The following KIAA1328 variants were observed in gnomAD, a reference collection of about 807,000 sequenced individuals.
KIAA1328 encodes the protein protein hinderin.
In KIAA1328, 52 loss-of-function variants were observed where a neutral mutation model predicts 68.1. The observed-to-expected ratio is 0.76, with a 90% CI of 0.61 to 0.96. The LOEUF (loss-of-function observed/expected upper bound fraction) is 0.96, where lower values mean the gene tolerates loss of function less well. Among genes scored for constraint, KIAA1328 ranks in the 40% least tolerant of loss-of-function variants. KIAA1328 has a pLI of 0.00. For missense variants in KIAA1328, 641 were observed against 677.6 expected (o/e 0.95, Z 0.60); for synonymous variants, 232 against 239.4 (o/e 0.97, Z 0.28).
At chr18:36,848,781 A>C (rs530507384) in intron 4 of KIAA1328, among the ~76,000 whole-genome samples, 1 of 146,656 alleles carries the variant, frequency 6.8e-6, no homozygotes, top group African/African-American at 2.4e-5. Context: ...TTGGAGTAGA[A>C]TTTGTCAATT....
intron 6 of KIAA1328, among the ~76,000 whole-genome samples, chr18:36,967,114 A>T (rs1192727589): frequency 2.0e-5 from 3 of 152,208 alleles, no homozygotes; most frequent in African/African-American, 7.2e-5. Flanking sequence ...ATGTTATGTT[A>T]TATATTTAAA....
chr18:37,223,616 C>A lies in KIAA1328; in HGVS notation c.*1389C>A, dbSNP rs776286878. 5.7e-5 allele frequency: 56 copies of A among 985,290 alleles called. No individual in the cohort carries two copies. The highest frequency in any genetic ancestry group is 6.7e-5 in the Non-Finnish European group (56 of 829,938). The allele number at this position is 985,290 out of a possible 1,614,324, so 61.0% of individuals were successfully genotyped here. Reference sequence around the variant, plus strand: ...AACTAAACTGGGAGTAAGACTTAGTCAGTGTTGGTAGACAAAGTCATACCA... The same window carrying A: ...AACTAAACTGGGAGTAAGACTTAGTAAGTGTTGGTAGACAAAGTCATACCA... On this transcript the variant is annotated 3_prime_UTR_variant, in exon 10 of 10. Coordinates refer to ENST00000280020, the MANE Select transcript of KIAA1328 (RefSeq NM_020776.3).
intron 5 of KIAA1328, among the ~76,000 whole-genome samples, chr18:36,958,775 AG>A: frequency 6.6e-6 from 1 of 152,176 alleles, no homozygotes; most frequent in East Asian, 1.9e-4. Flanking sequence ...TCTCTCATTC[AG>A]GGGGTTGTTT....
At chr18:37,000,558 G>T (rs1462875708) in intron 6 of KIAA1328, among the ~76,000 whole-genome samples, 2 of 151,912 alleles carry the variant, frequency 1.3e-5, no homozygotes, top group African/African-American at 4.8e-5. Flanking sequence ...CCTTTCATCA[G>T]CACAAGGACC....
chr18:37,055,196 T>C (rs750137910), intron 6 of KIAA1328, among the ~76,000 whole-genome samples: 2 of 152,192 alleles, frequency 1.3e-5, no homozygotes, highest in Non-Finnish European at 1.5e-5. Context: ...TAGATCTAAC[T>C]TGTTTACTGC....
chr18:36,926,478 T>C (rs2050124783), intron 5 of KIAA1328, among the ~76,000 whole-genome samples: 1 of 152,078 alleles, frequency 6.6e-6, no homozygotes, highest in African/African-American at 2.4e-5. Flanking sequence ...CAGGGTCACA[T>C]GATACCCACA....
intron 7 of KIAA1328, among the ~76,000 whole-genome samples, chr18:37,106,639 G>A (rs185717102): frequency 2.0e-5 from 3 of 151,928 alleles, no homozygotes; most frequent in Non-Finnish European, 2.9e-5. Flanking sequence ...GGCTGGTCTC[G>A]AACTCCTGAC....
chr18:37,024,466 G>A (rs1023865076), intron 6 of KIAA1328, among the ~76,000 whole-genome samples: 1 of 151,704 alleles, frequency 6.6e-6, no homozygotes, highest in South Asian at 2.1e-4. Context: ...CCAGGTTGGT[G>A]TGCTGCACCC....
intron 7 of KIAA1328, among the ~76,000 whole-genome samples, chr18:37,108,014 T>C (rs1288200953): frequency 2.0e-5 from 3 of 152,170 alleles, no homozygotes; most frequent in Admixed American, 1.3e-4. Context: ...CCAGCACTCC[T>C]GTTACTGGGT....
intron 7 of KIAA1328, among the ~76,000 whole-genome samples, chr18:37,076,131 G>A (rs1399072201): frequency 5.9e-5 from 9 of 152,140 alleles, no homozygotes; most frequent in Admixed American, 3.3e-4. Context: ...ATAACAAACT[G>A]TCTCTCAGAC....
chr18:36,865,369 GTCTT>G (rs1286096703), intron 4 of KIAA1328, among the ~76,000 whole-genome samples: 5 of 151,532 alleles, frequency 3.3e-5, no homozygotes, highest in African/African-American at 1.2e-4. Flanking sequence ...GATTTTTCTC[GTCTT>G]TCTATTACTG....
chr18:37,147,577 G>A (rs2058930076), intron 7 of KIAA1328, among the ~76,000 whole-genome samples: 1 of 152,076 alleles, frequency 6.6e-6, no homozygotes, highest in South Asian at 2.1e-4. Context: ...AAAGCCTGGG[G>A]TGTTTTCCAA....
At chr18:37,037,291 A>T (rs1271200794) in intron 6 of KIAA1328, among the ~76,000 whole-genome samples, 13 of 152,190 alleles carry the variant, frequency 8.5e-5, no homozygotes, top group Admixed American at 8.5e-4. Context: ...ATATCTTAGT[A>T]AGTGGGATCT....
intron 5 of KIAA1328, among the ~76,000 whole-genome samples, chr18:36,936,306 T>G (rs2050496725): frequency 6.6e-6 from 1 of 152,102 alleles, no homozygotes. Context: ...CCCTGGTGTG[T>G]GTTGTTCCCC....
chr18:36,979,443 G>A (rs1365332222), intron 6 of KIAA1328, among the ~76,000 whole-genome samples: 1 of 152,056 alleles, frequency 6.6e-6, no homozygotes, highest in Non-Finnish European at 1.5e-5. Flanking sequence ...TAGGATCACA[G>A]CTAAAAGCAT....
chr18:36,895,458 T>A (rs557279443), intron 5 of KIAA1328, among the ~76,000 whole-genome samples: 1 of 152,318 alleles, frequency 6.6e-6, no homozygotes, highest in East Asian at 1.9e-4. Flanking sequence ...GAAGAGATTT[T>A]AAAGATCTGC....
intron 7 of KIAA1328, among the ~76,000 whole-genome samples, chr18:37,072,214 C>T (rs1427031682): frequency 6.6e-6 from 1 of 150,692 alleles, no homozygotes; most frequent in Non-Finnish European, 1.5e-5. Flanking sequence ...TGTAGTTTTG[C>T]TTCATATGAA....
chr18:36,922,718 A>C (rs1002305497), intron 5 of KIAA1328, among the ~76,000 whole-genome samples: 1 of 152,162 alleles, frequency 6.6e-6, no homozygotes, highest in African/African-American at 2.4e-5. Context: ...AAAACTTTTT[A>C]ACTCAACAGA....
chr18:36,992,329 T>C (rs974531889), intron 6 of KIAA1328, among the ~76,000 whole-genome samples: 1 of 152,194 alleles, frequency 6.6e-6, no homozygotes, highest in African/African-American at 2.4e-5. Context: ...GCATAAAATA[T>C]TCTTGTACAT....
Sources: allele counts gnomAD v4.1 joint callset (sites outside exome capture counted in the v4.1 genomes callset), GRCh38; gene constraint gnomAD v4.1.1; transcripts MANE v1.5; gene names NCBI Gene and HGNC (gene_info 2026-07-23, HGNC 2026-07-21).